The following CALN1 variants were observed in gnomAD, a reference collection of about 807,000 sequenced individuals.
CALN1 encodes calcium-binding protein 8.
In CALN1, 17 loss-of-function variants were observed where a neutral mutation model predicts 30.6. That is an observed-to-expected ratio of 0.56 (90% CI 0.38 to 0.83). The LOEUF (loss-of-function observed/expected upper bound fraction) is 0.83. Ranked by LOEUF, CALN1 falls within the 40% of genes least tolerant of loss-of-function variation. The probability of loss-of-function intolerance (pLI) is 0.00; values close to 1 mark genes in which losing one functional copy is unlikely to be tolerated. For synonymous variants in CALN1, 156 were observed against 131.4 expected (o/e 1.19, Z -1.28); for missense variants, 291 against 354.9 (o/e 0.82, Z 1.45).
chr7:71,810,997 C>T lies in CALN1; in HGVS notation c.502-505G>A, dbSNP rs535131798. On this transcript the variant is annotated intron_variant, in intron 5 of 6. Coordinates refer to ENST00000395275, the MANE Select transcript of CALN1 (RefSeq NM_031468.4). ...TGCAACCTCGCCTCCCGAGTTCAAG[C>T]GATTCTCCTGCCTCAGCCTCCGTAG... is the stretch of plus-strand genomic sequence containing the variant. 2.6e-4 allele frequency among the ~76,000 whole-genome samples: 40 copies of T among 151,148 alleles called. No individual in the cohort carries two copies. In the East Asian group the frequency reaches 5.2e-3, roughly 20 times the overall value.
chr7:72,191,965 T>G (rs1790640482), intron 3 of CALN1, among the ~76,000 whole-genome samples: 1 of 152,104 alleles, frequency 6.6e-6, no homozygotes. Flanking sequence ...GGCAAAAAAC[T>G]TCGATGGCGA....
intron 3 of CALN1, among the ~76,000 whole-genome samples, chr7:72,107,910 G>A (rs1021486768): frequency 3.3e-5 from 5 of 152,100 alleles, no homozygotes; most frequent in Middle Eastern, 3.2e-3. Context: ...CTCTTCAAAC[G>A]CATACAAGCC....
At position 72,042,328 on chromosome 7, in the gene CALN1, T is replaced by TACA. The variant is rs1802181670; in HGVS notation, c.389-18562_389-18560dup. On this transcript the variant is annotated intron_variant, in intron 4 of 6. Transcript: ENST00000395275. ...GCTATGATTTACCATGGAGAAAGAA[T>TACA]ACAACACACAATCTTCTGAAGGATC... is the stretch of plus-strand genomic sequence containing the variant. Among the ~76,000 whole-genome samples, 5 of 152,190 alleles carry TACA rather than the reference T, an allele frequency of 3.3e-5. No homozygotes were observed. In the South Asian group the frequency reaches 1.0e-3, roughly 32 times the overall value.
At chr7:72,396,875 C>T (rs745470978) in intron 2 of CALN1, among the ~76,000 whole-genome samples, 6 of 152,128 alleles carry the variant, frequency 3.9e-5, no homozygotes, top group South Asian at 4.2e-4. Flanking sequence ...ATCTGTGTCC[C>T]ATATCCTTGT....
chr7:71,887,593 C>T (rs1792990622), intron 5 of CALN1, among the ~76,000 whole-genome samples: 1 of 152,162 alleles, frequency 6.6e-6, no homozygotes, highest in South Asian at 2.1e-4. Context: ...GCCACTGCAC[C>T]TAGCCCATGA....
rs149657722 is a variant in CALN1, at chr7:72,112,511, G to C, written c.245-6217C>G. 1.9e-3 allele frequency among the ~76,000 whole-genome samples: 296 copies of C among 152,290 alleles called. 2 individuals are homozygous for C. The highest frequency in any genetic ancestry group is 6.5e-3 in the African/African-American group (270 of 41,572). On this transcript the variant is annotated intron_variant, in intron 3 of 6. Coordinates refer to ENST00000395275, the MANE Select transcript of CALN1 (RefSeq NM_031468.4). ...GAAAGATGCAGTTCAGCGAGGCTAG[G>C]CAAGGCAGTTATTTAAAAGCTATGG... is the stretch of plus-strand genomic sequence containing the variant.
intron 5 of CALN1, among the ~76,000 whole-genome samples, chr7:71,812,929 C>CATCATTATTATTATTATTATTATTATT (rs1287091997): frequency 7.3e-6 from 1 of 136,506 alleles, no homozygotes; most frequent in Non-Finnish European, 1.5e-5. Flanking sequence ...TCATCATCAT[C>CATCATTATTATTATTATTATTATTATT]ATTATTATTA....
At chr7:72,041,796 T>G (rs186175677) in intron 4 of CALN1, among the ~76,000 whole-genome samples, 141 of 152,250 alleles carry the variant, frequency 9.3e-4, no homozygotes, top group African/African-American at 3.0e-3. Context: ...CTCAAAACAG[T>G]GAATAAGTCT....
intron 3 of CALN1, among the ~76,000 whole-genome samples, chr7:72,257,618 A>T (rs1562803600): frequency 6.6e-6 from 1 of 151,972 alleles, no homozygotes; most frequent in East Asian, 1.9e-4. Context: ...CGGGGTTCCT[A>T]CCCAAAGGGA....
chr7:72,408,531 T>C (rs1186248343), intron 1 of CALN1, among the ~76,000 whole-genome samples: 3 of 152,068 alleles, frequency 2.0e-5, no homozygotes, highest in African/African-American at 7.2e-5. Flanking sequence ...GTTGGTGATG[T>C]TGGTGACAAA....
intron 5 of CALN1, among the ~76,000 whole-genome samples, chr7:71,871,263 TA>T (rs1170686043): frequency 3.9e-5 from 6 of 152,128 alleles, no homozygotes; most frequent in Non-Finnish European, 7.3e-5. Flanking sequence ...AAAAGAGCTT[TA>T]AAAAAAACCT....
chr7:71,936,463 C>T (rs371789144), intron 5 of CALN1, among the ~76,000 whole-genome samples: 1 of 151,602 alleles, frequency 6.6e-6, no homozygotes, highest in Non-Finnish European at 1.5e-5. Flanking sequence ...CACTGTACAC[C>T]AAGCTGGAAG....
chr7:72,098,638 T>A (rs939872763), intron 4 of CALN1, among the ~76,000 whole-genome samples: 1 of 151,828 alleles, frequency 6.6e-6, no homozygotes, highest in Non-Finnish European at 1.5e-5. Flanking sequence ...AAACCAGGAT[T>A]TTGAGGCTGC....
intron 1 of CALN1, among the ~76,000 whole-genome samples, chr7:72,428,003 C>T (rs1247507946): frequency 1.3e-5 from 2 of 152,126 alleles, no homozygotes; most frequent in Non-Finnish European, 2.9e-5. Flanking sequence ...CAGGGTGCTC[C>T]TGCCCCACCA....
chr7:71,799,722 G>A (rs28532471), intron 6 of CALN1, among the ~76,000 whole-genome samples: 30 of 151,998 alleles, frequency 2.0e-4, no homozygotes, highest in African/African-American at 6.0e-4. Context: ...GTGATCCACC[G>A]GCCTCAACCT....
At chr7:72,109,611 G>A (rs1181924180) in intron 3 of CALN1, among the ~76,000 whole-genome samples, 1 of 152,206 alleles carries the variant, frequency 6.6e-6, no homozygotes, top group East Asian at 1.9e-4. Context: ...ACAGCCATAT[G>A]TTTTCCTACC....
the CALN1 span, among the ~76,000 whole-genome samples, chr7:72,462,265 T>C: frequency 6.6e-6 from 1 of 152,120 alleles, no homozygotes; most frequent in Non-Finnish European, 1.5e-5. Flanking sequence ...CACTGGAGCC[T>C]CAAACTCCTA....
chr7:71,906,817 A>G (rs78150732), intron 5 of CALN1, among the ~76,000 whole-genome samples: 2 of 152,098 alleles, frequency 1.3e-5, no homozygotes, highest in East Asian at 1.9e-4. Flanking sequence ...GAGGAGTAAG[A>G]CTGGCAGCAG....
intron 4 of CALN1, among the ~76,000 whole-genome samples, chr7:72,099,901 C>G (rs1806525925): frequency 6.6e-6 from 1 of 152,158 alleles, no homozygotes; most frequent in Non-Finnish European, 1.5e-5. Context: ...GCATTGGTAG[C>G]TGAGTATGAT....
Sources: gnomAD v4.1 joint callset for allele counts (sites outside exome capture counted in the v4.1 genomes callset) on GRCh38, gnomAD v4.1.1 for gene constraint, MANE v1.5 for transcripts, NCBI Gene and HGNC (gene_info 2026-07-23, HGNC 2026-07-21) for gene names.